Variants in DNAJC15 observed in about 807,000 individuals in gnomAD.
DNAJC15 encodes DnaJ heat shock protein family (Hsp40) member C15.
A neutral mutation model predicts 22.4 loss-of-function variants in DNAJC15; 27 were observed. The ratio of observed to expected loss-of-function variants is 1.20; its 90% CI spans 0.89 to 1.66. DNAJC15 has a LOEUF of 1.66. DNAJC15 is among the 40% of genes most tolerant of loss of function. The pLI is 0.00. For synonymous variants in DNAJC15, 79 were observed against 63.2 expected (o/e 1.25, Z -1.19); for missense variants, 208 against 187.1 (o/e 1.11, Z -0.65).
chr13:43,033,857 G>A (rs1292464729), intron 1 of DNAJC15, among the ~76,000 whole-genome samples: 2 of 151,990 alleles, frequency 1.3e-5, no homozygotes, highest in Middle Eastern at 3.4e-3. Context: ...GGCAAAACCC[G>A]TCTCTACTAA....
At chr13:43,090,285 G>A (rs1216112929) in intron 5 of DNAJC15, among the ~76,000 whole-genome samples, 1 of 152,216 alleles carries the variant, frequency 6.6e-6, no homozygotes, top group Non-Finnish European at 1.5e-5. Flanking sequence ...CATTTACCTT[G>A]TTTGAGCATG....
At chr13:43,069,151 A>G in intron 3 of DNAJC15, 148 bp downstream of exon 3, 6 of 700,902 alleles carry the variant, frequency 8.6e-6, no homozygotes, top group South Asian at 2.4e-5. Flanking sequence ...TGTCTAATTT[A>G]CTGGCTCAGT....
rs76778353 is a variant in DNAJC15 at position 43,100,750 on chromosome 13, G to A, written c.383-6428G>A. Among the ~76,000 whole-genome samples, 14 of 152,288 alleles carry A rather than the reference G, an allele frequency of 9.2e-5. No homozygotes were observed. The East Asian group carries it at 2.5e-3, about 27-fold the overall frequency. ...GAAAAATTGCGTATTCCATTATTGG[G>A]TAGTGTTCTGTAAATATGTGTTAGT... On this transcript the variant is annotated intron_variant, in intron 5 of 5. Coordinates refer to ENST00000379221, the MANE Select transcript of DNAJC15 (RefSeq NM_013238.3).
chr13:43,072,531 A>G lies in DNAJC15; in HGVS notation c.234+3528A>G, dbSNP rs74706551. ...TTTCCAGATCACCAGGTTGGCCTTT[A>G]GCAATGTCTATTCTGTTTTTCATCT... On this transcript the variant is annotated intron_variant, in intron 3 of 5. Transcript: ENST00000379221. 7.9e-3 allele frequency among the ~76,000 whole-genome samples: 1,195 copies of G among 150,676 alleles called. 14 individuals are homozygous for G. Among genetic ancestry groups the G allele is most frequent in the African/African-American group, 0.028 (1,141 of 41,118 alleles).
chr13:43,112,261 C>T lies in DNAJC15; in HGVS notation c.*5013C>T, dbSNP rs1446295806. 2 of 152,238 alleles carry T rather than the reference C, an allele frequency of 1.3e-5. No individual in the cohort carries two copies. The highest frequency in any genetic ancestry group is 2.9e-5 in the Non-Finnish European group (2 of 68,048). 9.4% of individuals were successfully genotyped at this position (152,238 alleles called of 1,614,324 possible). A position where few individuals can be genotyped will look rare whatever the true frequency, so the allele number is the denominator to read the frequency against. On this transcript the variant is annotated 3_prime_UTR_variant, in exon 6 of 6. Coordinates refer to ENST00000379221, the MANE Select transcript of DNAJC15 (RefSeq NM_013238.3). ...TTCATTTCTCTTCCTGCCATAATAA[C>T]CCTTTCCCTCTCTGTTCGATTCAAC... is the stretch of plus-strand genomic sequence containing the variant.
intron 5 of DNAJC15, among the ~76,000 whole-genome samples, chr13:43,102,537 G>T (rs2040775132): frequency 6.6e-6 from 1 of 152,082 alleles, no homozygotes; most frequent in Non-Finnish European, 1.5e-5. Flanking sequence ...GCACTTTGGG[G>T]GGAGGAGGCT....
At chr13:43,097,101 G>A (rs905440673) in intron 5 of DNAJC15, among the ~76,000 whole-genome samples, 1 of 152,220 alleles carries the variant, frequency 6.6e-6, no homozygotes, top group South Asian at 2.1e-4. Context: ...TGCCCATGAT[G>A]TCATGGATCA....
intron 5 of DNAJC15, among the ~76,000 whole-genome samples, chr13:43,097,997 A>ATC (rs2040749205): frequency 6.6e-6 from 1 of 152,196 alleles, no homozygotes; most frequent in South Asian, 2.1e-4. Flanking sequence ...AAGCTTATGA[A>ATC]TCAGGGGTAA....
At chr13:43,028,600 C>T (rs560430640) in intron 1 of DNAJC15, among the ~76,000 whole-genome samples, 2 of 152,296 alleles carry the variant, frequency 1.3e-5, no homozygotes, top group African/African-American at 4.8e-5. Flanking sequence ...ACACAGGACT[C>T]TTCATGTACT....
intron 1 of DNAJC15, among the ~76,000 whole-genome samples, chr13:43,053,915 T>C (rs1472296377): frequency 6.6e-6 from 1 of 152,218 alleles, no homozygotes; most frequent in Non-Finnish European, 1.5e-5. Flanking sequence ...TTCCCTCTCT[T>C]GTTTGATTGC....
At chr13:43,056,453 T>C (rs545724782) in intron 1 of DNAJC15, among the ~76,000 whole-genome samples, 43 of 152,216 alleles carry the variant, frequency 2.8e-4, no homozygotes, top group Non-Finnish European at 4.3e-4. Flanking sequence ...CATTTTGTGG[T>C]CTATCTTGGA....
intron 1 of DNAJC15, among the ~76,000 whole-genome samples, chr13:43,048,540 C>T (rs2040488428): frequency 1.3e-5 from 2 of 152,178 alleles, no homozygotes; most frequent in Admixed American, 1.3e-4. Context: ...TCCCATATCA[C>T]ATAAATTTGT....
At position 43,107,442 on chromosome 13, in the gene DNAJC15, A is replaced by G. The variant is rs933591075; in HGVS notation, c.*194A>G. The stretch of plus-strand genomic sequence containing the variant: ...TATTATCTTTTAAAGATCTCCTTAA[A>G]TTCTATAACTGATCTTTTTTCTTAT... On this transcript the variant is annotated 3_prime_UTR_variant, in exon 6 of 6. Coordinates refer to ENST00000379221, the MANE Select transcript of DNAJC15 (RefSeq NM_013238.3). 2 of 382,900 alleles carry G rather than the reference A, an allele frequency of 5.2e-6. No individual in the cohort carries two copies. The highest frequency in any genetic ancestry group is 2.1e-5 in the African/African-American group (1 of 47,480). The allele number at this position is 382,900 out of a possible 1,614,324, so 23.7% of individuals were successfully genotyped here. A position where few individuals can be genotyped will look rare whatever the true frequency, so the allele number is the denominator to read the frequency against.
At chr13:43,030,925 G>A (rs2040401634) in intron 1 of DNAJC15, among the ~76,000 whole-genome samples, 1 of 152,216 alleles carries the variant, frequency 6.6e-6, no homozygotes, top group South Asian at 2.1e-4. Context: ...ATGAGCCATT[G>A]TTTCTTATTT....
Position 43,108,553 on chromosome 13 carries a change from G to A in DNAJC15, c.*1305G>A, listed in dbSNP as rs1235953816. On this transcript the variant is annotated 3_prime_UTR_variant, in exon 6 of 6. Transcript: ENST00000379221. ...CTTAAAATACTTTTTAGATATCCTA[G>A]ATGCATCTTTCAACTTCTAACATTC... is the stretch of plus-strand genomic sequence containing the variant. The A allele has an allele frequency of 6.6e-6, 1 of 152,126 alleles. No individual in the cohort carries two copies. Among genetic ancestry groups the A allele is most frequent in the African/African-American group, 2.4e-5 (1 of 41,422 alleles). 9.4% of individuals were successfully genotyped at this position (152,126 alleles called of 1,614,324 possible).
chr13:43,097,029 T>G (rs1351129860), intron 5 of DNAJC15, among the ~76,000 whole-genome samples: 1 of 152,194 alleles, frequency 6.6e-6, no homozygotes, highest in African/African-American at 2.4e-5. Context: ...AAAAGAACAT[T>G]GTTGCTTTTC....
chr13:43,057,787 G>T (rs965717456), intron 1 of DNAJC15, among the ~76,000 whole-genome samples: 1 of 152,138 alleles, frequency 6.6e-6, no homozygotes, highest in Non-Finnish European at 1.5e-5. Context: ...TGTCCCATGG[G>T]GTGATCCTTT....
At chr13:43,024,893 T>TACAAAAAAAAAAAAAAAAAAAA (rs2040372592) in intron 1 of DNAJC15, among the ~76,000 whole-genome samples, 1 of 85,946 alleles carries the variant, frequency 1.2e-5, no homozygotes, top group Non-Finnish European at 2.3e-5. Context: ...CCATCTCTGC[T>TACAAAAAAAAAAAAAAAAAAAA]AAAAAAAAAA....
chr13:43,085,459 A>T (rs1019623683), intron 4 of DNAJC15, among the ~76,000 whole-genome samples: 3 of 152,130 alleles, frequency 2.0e-5, no homozygotes, highest in African/African-American at 7.2e-5. Flanking sequence ...ATAACTTAGA[A>T]GCATAAGTTT....
Sources: allele counts gnomAD v4.1 joint callset (sites outside exome capture counted in the v4.1 genomes callset), GRCh38; gene constraint gnomAD v4.1.1; transcripts MANE v1.5; gene names NCBI Gene and HGNC (gene_info 2026-07-23, HGNC 2026-07-21).